DUOXA2: variants seen among roughly 807,000 people sequenced by gnomAD.
The protein encoded by DUOXA2 is dual oxidase maturation factor 2.
Under a neutral mutation model 27.6 loss-of-function variants are expected in DUOXA2, and 22 were observed. That is an observed-to-expected ratio of 0.80 (90% CI 0.57 to 1.14). DUOXA2 has a LOEUF of 1.14. Ranked by LOEUF, DUOXA2 falls within the 50% of genes most tolerant of loss-of-function variation. The pLI is 0.00. For missense variants in DUOXA2, 481 were observed against 419.9 expected (o/e 1.15, Z -1.27); for synonymous variants, 188 against 184.4 (o/e 1.02, Z -0.16).
chr15:45,114,347 G>A lies in DUOXA2; in HGVS notation c.-259G>A, dbSNP rs1015040586. The A allele has an allele frequency of 1.8e-6, 1 of 544,064 alleles. No homozygotes were observed. The highest frequency in any genetic ancestry group is 3.1e-5 in the Admixed American group (1 of 31,914). 33.7% of individuals were successfully genotyped at this position (544,064 alleles called of 1,614,324 possible). Reference sequence around the variant, plus strand: ...ACTCAGCGCCAACCCGCAGAACCAGGAAAGTAACGGCTACAGACAGTGAGA... The same window carrying A: ...ACTCAGCGCCAACCCGCAGAACCAGAAAAGTAACGGCTACAGACAGTGAGA... On this transcript the variant is annotated 5_prime_UTR_variant, in exon 1 of 6. Coordinates refer to ENST00000323030, the MANE Select transcript of DUOXA2 (RefSeq NM_207581.4).
In DUOXA2 at chr15:45,117,920, A is replaced by G. The variant is rs547585211; in HGVS notation, c.*11A>G. Reference sequence around the variant, plus strand: ...ACCACTAACCTGTGAGGGGGACCCAATCTGGACTCCTTCCCCGCCTTGGGA... The same window carrying G: ...ACCACTAACCTGTGAGGGGGACCCAGTCTGGACTCCTTCCCCGCCTTGGGA... On this transcript the variant is annotated 3_prime_UTR_variant, in exon 6 of 6. Coordinates refer to ENST00000323030, the MANE Select transcript of DUOXA2 (RefSeq NM_207581.4). The G allele has an allele frequency of 1.6e-5, 26 of 1,613,246 alleles. No homozygotes were observed. Among genetic ancestry groups the G allele is most frequent in the South Asian group, 1.3e-4 (12 of 91,082 alleles).
chr15:45,116,458 C>G, intron 3 of DUOXA2, 58 bp from the exon 4 acceptor site: 10 of 1,598,308 alleles, frequency 6.3e-6, no homozygotes, highest in Non-Finnish European at 7.7e-6. Flanking sequence ...TGTCTGAATC[C>G]GCTTAGTTGC....
chr15:45,115,173 G>C (rs1894572256), intron 1 of DUOXA2, among the ~76,000 whole-genome samples: 3 of 152,216 alleles, frequency 2.0e-5, no homozygotes, highest in African/African-American at 7.2e-5. Flanking sequence ...ACTGGGTTGA[G>C]ACACATGTGT....
At chr15:45,116,801 C>G in intron 4 of DUOXA2, 72 bp downstream of exon 4, 1 of 1,552,692 alleles carries the variant, frequency 6.4e-7, no homozygotes, top group Non-Finnish European at 8.8e-7. Context: ...CGGGAGGATG[C>G]AGGCCTCGGA....
Position 45,117,122 on chromosome 15 carries a change from G to A in DUOXA2, c.586G>A (p.Val196Met). ...VAFCFWLLSN[V>M]LLSTPAPLYG... ...GTTCTGCTTCTGGCTCCTCTCCAAC[G>A]TGCTGCTCTCCACGCCGGCCCCGCT... is the stretch of plus-strand genomic sequence containing the variant. Residue 196 changes from valine (V) to methionine (M), a missense_variant, in exon 5 of 6, where the codon GTG becomes ATG. Val to Met is a conservative substitution (Grantham distance 21). Transcript: ENST00000323030. 2 of 1,600,492 alleles carry A rather than the reference G, an allele frequency of 1.2e-6. No individual in the cohort carries two copies. The highest frequency in any genetic ancestry group is 2.2e-5 in the South Asian group (2 of 91,056).
At chr15:45,115,050 G>C (rs1284401924) in intron 1 of DUOXA2, among the ~76,000 whole-genome samples, 2 of 152,142 alleles carry the variant, frequency 1.3e-5, no homozygotes, top group Non-Finnish European at 2.9e-5. Context: ...TGTGCTGGAG[G>C]GCCTCCCACC....
chr15:45,117,470 T>C (rs370859356), intron 5 of DUOXA2, 165 bp downstream of exon 5: 1 of 1,548,206 alleles, frequency 6.5e-7, no homozygotes. Context: ...AGATGAAAAG[T>C]GGGGGGCTCA....
At position 45,114,578 on chromosome 15, in the gene DUOXA2, TGCGTGCAGCACTCGGCCG is replaced by T; in HGVS notation, c.-17_1del. ...CAGCTTGCTGGCTTGCCTGCCCGCC[TGCGTGCAGCACTCGGCCG>T]GCGTGCAGCATGACCCTGTGGAACG... On this transcript the variant is annotated 5_prime_UTR_variant, in exon 1 of 6. Coordinates refer to ENST00000323030, the MANE Select transcript of DUOXA2 (RefSeq NM_207581.4). 8 of 1,612,682 alleles carry T rather than the reference TGCGTGCAGCACTCGGCCG, an allele frequency of 5.0e-6. No homozygotes were observed. Among genetic ancestry groups the T allele is most frequent in the Non-Finnish European group, 6.8e-6 (8 of 1,179,750 alleles).
chr15:45,116,354 A>G (rs1894628790), intron 3 of DUOXA2, 96 bp downstream of exon 3: 1 of 1,581,224 alleles, frequency 6.3e-7, no homozygotes, highest in Non-Finnish European at 8.6e-7. Context: ...ACATCCCACA[A>G]GCTCAAATAG....
chr15:45,114,721 T>C lies in DUOXA2; in HGVS notation c.116T>C (p.Leu39Pro), dbSNP rs764349265. The C allele has an allele frequency of 1.2e-6, 2 of 1,614,222 alleles. No homozygotes were observed. Among genetic ancestry groups the C allele is most frequent in the Non-Finnish European group, 1.7e-6 (2 of 1,180,028 alleles). Reference sequence around the variant, plus strand: ...TTTTTGGCTCTAGCAGCAAGCTTCCTGCTCATCTTGCCGGGGATCCGTGGC... The same window carrying C: ...TTTTTGGCTCTAGCAGCAAGCTTCCCGCTCATCTTGCCGGGGATCCGTGGC... ...LVFLALAASFLLILPGIRGHS... is the reference protein window; with the variant it reads ...LVFLALAASFPLILPGIRGHS... Residue 39 changes from leucine (L) to proline (P), a missense_variant, in exon 1 of 6, where the codon CTG (leucine) becomes CCG (proline). By Grantham distance (98) the Leu-to-Pro change is moderately conservative. Transcript: ENST00000323030.
In DUOXA2 at chr15:45,117,281, G is replaced by A; in HGVS notation, c.745G>A (p.Ala249Thr). ...CGCGCTCACCACTCAGTACGGCGCC[G>A]CCTTCTGGGTCACGCTGGCAACCGG... ...SSALTTQYGA[A>T]FWVTLATGVL... The change falls in exon 5 of 6, where the codon GCC becomes ACC. Residue 249 changes from alanine (A) to threonine (T), a missense_variant. Coordinates refer to ENST00000323030, the MANE Select transcript of DUOXA2 (RefSeq NM_207581.4). 1 of 1,599,984 alleles carries A rather than the reference G, an allele frequency of 6.3e-7. No individual in the cohort carries two copies. Among genetic ancestry groups the A allele is most frequent in the Non-Finnish European group, 8.5e-7 (1 of 1,171,648 alleles).
intron 1 of DUOXA2, 146 bp downstream of exon 1, chr15:45,114,898 T>G: frequency 8.0e-7 from 1 of 1,251,914 alleles, no homozygotes; most frequent in South Asian, 1.3e-5. Context: ...AGGAGTCTGG[T>G]GCAGCAAGCA....
intron 5 of DUOXA2, 185 bp downstream of exon 5, chr15:45,117,490 G>A: frequency 1.9e-6 from 3 of 1,551,922 alleles, no homozygotes; most frequent in South Asian, 1.2e-5. Flanking sequence ...AGAAGGGTTT[G>A]GTGTCTTGCC....
In DUOXA2 at chr15:45,116,723, C is replaced by T; in HGVS notation, c.548C>T (p.Thr183Met). 6.2e-7 allele frequency: 1 copy of T among 1,613,342 alleles called. No homozygotes were observed. Among genetic ancestry groups the T allele is most frequent in the Non-Finnish European group, 8.5e-7 (1 of 1,179,992 alleles). ...YHLAGHYASA[T>M]LWVAFCFWLL... ...CTGGCGGGACACTACGCCTCGGCCA[C>T]GCTATGGTAAGTGCTGGAGGGAAGG... The change falls in exon 4 of 6, where the codon ACG becomes ATG. Residue 183 changes from threonine to methionine, a missense_variant. Thr to Met is a moderately conservative substitution (Grantham distance 81). Transcript: ENST00000323030.
In DUOXA2 at chr15:45,118,199, C is replaced by T; in HGVS notation, c.*290C>T. On this transcript the variant is annotated 3_prime_UTR_variant, in exon 6 of 6. Transcript: ENST00000323030. ...GCTGGAGACAGCCTAGTACACTCTC[C>T]GCAGTGCTGTGAAACCTGATTCTCT... 11 of 1,424,790 alleles carry T rather than the reference C, an allele frequency of 7.7e-6. No individual in the cohort carries two copies. Among genetic ancestry groups the T allele is most frequent in the Non-Finnish European group, 9.1e-6 (10 of 1,095,188 alleles). 88.3% of individuals were successfully genotyped at this position (1,424,790 alleles called of 1,614,324 possible). A position where few individuals can be genotyped will look rare whatever the true frequency, so the allele number is the denominator to read the frequency against.
intron 1 of DUOXA2, 75 bp downstream of exon 1, chr15:45,114,827 A>G: frequency 6.2e-7 from 1 of 1,606,140 alleles, no homozygotes; most frequent in Non-Finnish European, 8.5e-7. Context: ...GACCCAGGAC[A>G]GGTAAGACTG....
Position 45,116,665 on chromosome 15 carries a change from A to C in DUOXA2, c.490A>C (p.Ser164Arg), listed in dbSNP as rs374021597. ...VLYLAEKFTPSSPCGLYHQYH... is the reference protein window; with the variant it reads ...VLYLAEKFTPRSPCGLYHQYH... Reference sequence around the variant, plus strand: ...CTACCTGGCGGAGAAGTTCACACCGAGTAGCCCTTGCGGCCTGTACCACCA... The same window carrying C: ...CTACCTGGCGGAGAAGTTCACACCGCGTAGCCCTTGCGGCCTGTACCACCA... Residue 164 changes from serine to arginine, a missense_variant, in exon 4 of 6, where the codon AGT becomes CGT. Ser to Arg is a moderately radical substitution (Grantham distance 110). Coordinates refer to ENST00000323030, the MANE Select transcript of DUOXA2 (RefSeq NM_207581.4). 4.8e-5 allele frequency: 78 copies of C among 1,613,680 alleles called. No homozygotes were observed. The highest frequency in any genetic ancestry group is 6.4e-5 in the Non-Finnish European group (75 of 1,180,050).
At chr15:45,116,101 C>T in intron 2 of DUOXA2, 23 bp from the exon 3 acceptor site, 2 of 1,613,610 alleles carry the variant, frequency 1.2e-6, no homozygotes, top group Non-Finnish European at 1.7e-6. Flanking sequence ...CATCCCACCC[C>T]CACCGTGTGC....
At position 45,117,288 on chromosome 15, in the gene DUOXA2, G is replaced by A; in HGVS notation, c.752G>A (p.Trp251Ter). Residue 251 changes from tryptophan (W) to a stop codon, truncating the protein, a stop_gained, in exon 5 of 6, where the codon TGG (tryptophan) becomes TAG (stop). Coordinates refer to ENST00000323030, the MANE Select transcript of DUOXA2 (RefSeq NM_207581.4). LOFTEE classifies it low-confidence loss of function (END_TRUNC). ...ALTTQYGAAFWVTLATGVLCL... is the reference protein window; with the variant it reads ...ALTTQYGAAF ...ACCACTCAGTACGGCGCCGCCTTCT[G>A]GGTCACGCTGGCAACCGGTGAGGAC... The A allele has an allele frequency of 6.3e-7, 1 of 1,598,274 alleles. No homozygotes were observed.
Sources: allele counts gnomAD v4.1 joint callset (sites outside exome capture counted in the v4.1 genomes callset), GRCh38; gene constraint gnomAD v4.1.1; transcripts MANE v1.5; gene names NCBI Gene and HGNC (gene_info 2026-07-23, HGNC 2026-07-21).